FBLN1: variants seen among roughly 807,000 people sequenced by gnomAD.
FBLN1 encodes the protein fibulin-1.
A neutral mutation model predicts 89.7 loss-of-function variants in FBLN1; 34 were observed. The ratio of observed to expected loss-of-function variants is 0.38; its 90% CI spans 0.29 to 0.50. FBLN1 has a LOEUF of 0.50. Among genes scored for constraint, FBLN1 ranks in the 20% least tolerant of loss-of-function variants. The probability of loss-of-function intolerance (pLI) is 0.92; values close to 1 mark genes in which losing one functional copy is unlikely to be tolerated. For missense variants in FBLN1, 777 were observed against 988.1 expected, an observed-to-expected ratio of 0.79 and a Z score of 2.86; for synonymous variants, 393 against 391.3, an observed-to-expected ratio of 1.00 and a Z score of -0.05.
intron 14 of FBLN1, chr22:45,565,391 C>T: frequency 1.2e-6 from 1 of 825,598 alleles, no homozygotes; most frequent in Non-Finnish European, 1.6e-6. Flanking sequence ...GGGAGGCTTG[C>T]CCTTCCCTGA....
chr22:45,513,366 A>G (rs948993612), intron 1 of FBLN1, among the ~76,000 whole-genome samples: 2 of 148,438 alleles, frequency 1.3e-5, no homozygotes. Context: ...ATGCAGTGGC[A>G]TAATCCCTGC....
chr22:45,534,348 T>G (rs2088455889), intron 7 of FBLN1, among the ~76,000 whole-genome samples: 1 of 146,674 alleles, frequency 6.8e-6, no homozygotes, highest in Admixed American at 6.9e-5. Flanking sequence ...ACAACTGTTT[T>G]TGCACAACAG....
At position 45,550,643 on chromosome 22, in the gene FBLN1, G is replaced by T. The variant is rs781294418; in HGVS notation, c.1697+28G>T. The T allele has an allele frequency of 6.2e-6, 10 of 1,613,890 alleles. No homozygotes were observed. In the Admixed American group the frequency reaches 1.7e-4, roughly 27 times the overall value. Reference sequence around the variant, plus strand: ...AAGTCCCTTGGACCATGCCATCGTCGTCTGTCTGTGTTGGCCTTCCTGGTG... The same window carrying T: ...AAGTCCCTTGGACCATGCCATCGTCTTCTGTCTGTGTTGGCCTTCCTGGTG... On this transcript the variant is annotated intron_variant, in intron 14 of 16. Transcript: ENST00000327858. The surrounding 1 kb of genome is among the most constrained non-coding windows in gnomAD (Gnocchi z 8.4).
intron 16 of FBLN1, among the ~76,000 whole-genome samples, chr22:45,592,126 C>T (rs1251043304): frequency 6.6e-6 from 1 of 152,172 alleles, no homozygotes; most frequent in Non-Finnish European, 1.5e-5. Flanking sequence ...CTGGAAGGTG[C>T]TACTAGTAGC....
chr22:45,545,946 G>A lies in FBLN1; in HGVS notation c.1322-1139G>A, dbSNP rs571306984. On this transcript the variant is annotated intron_variant, in intron 11 of 16. Transcript: ENST00000327858. The surrounding 1 kb of genome is among the most constrained non-coding windows in gnomAD (Gnocchi z 5.9). ...GTGGATTACTTGAGGTCAGGAGTTC[G>A]AGACCAGTATGGCCAACATCGTGAA... is the stretch of plus-strand genomic sequence containing the variant. Among the ~76,000 whole-genome samples, 7 of 152,128 alleles carry A rather than the reference G, an allele frequency of 4.6e-5. No homozygotes were observed. In the East Asian group the frequency reaches 1.2e-3, roughly 25 times the overall value.
chr22:45,585,004 A>T (rs916563451), intron 16 of FBLN1, among the ~76,000 whole-genome samples: 20 of 152,230 alleles, frequency 1.3e-4, no homozygotes, highest in Non-Finnish European at 2.5e-4. Context: ...CAAGCTACGC[A>T]TCCTGCTTTT....
At position 45,597,024 on chromosome 22, in the gene FBLN1, C is replaced by T. The variant is rs1176115262; in HGVS notation, c.1973-3283C>T. Among the ~76,000 whole-genome samples the T allele has an allele frequency of 2.0e-5, 3 of 150,050 alleles. No individual in the cohort carries two copies. The highest frequency in any genetic ancestry group is 7.3e-5 in the African/African-American group (3 of 40,832). ...GAAATAGATCTCTTTTTTTTTGGGACAGGATCTTGCTCTGTCACCCAGGCT... is the reference window on the plus strand; with the variant it reads ...GAAATAGATCTCTTTTTTTTTGGGATAGGATCTTGCTCTGTCACCCAGGCT... On this transcript the variant is annotated intron_variant, in intron 16 of 16. Coordinates refer to ENST00000327858, the MANE Select transcript of FBLN1 (RefSeq NM_006486.3). The surrounding 1 kb of genome is among the most constrained non-coding windows in gnomAD (Gnocchi z 4.2).
chr22:45,505,900 C>T (rs898617996), intron 1 of FBLN1, among the ~76,000 whole-genome samples: 3 of 152,142 alleles, frequency 2.0e-5, no homozygotes, highest in Non-Finnish European at 2.9e-5. Flanking sequence ...GCCTCCCCAG[C>T]AGCTGGGATT....
Position 45,583,591 on chromosome 22 carries a change from G to A in FBLN1, c.1972+6483G>A, listed in dbSNP as rs1160746750. ...CAGTTCTTCCTAATTTCGCCTTGCCGTCTCTCTTGAGAGTGGCTATACCTT... is the reference window on the plus strand; with the variant it reads ...CAGTTCTTCCTAATTTCGCCTTGCCATCTCTCTTGAGAGTGGCTATACCTT... On this transcript the variant is annotated intron_variant, in intron 16 of 16. Transcript: ENST00000327858. The surrounding 1 kb of genome is among the most constrained non-coding windows in gnomAD (Gnocchi z 4.5). Among the ~76,000 whole-genome samples the A allele has an allele frequency of 2.0e-5, 3 of 152,186 alleles. No individual in the cohort carries two copies. The highest frequency in any genetic ancestry group is 2.1e-4 in the South Asian group (1 of 4,832).
In FBLN1 at chr22:45,578,803, C is replaced by T. The variant is rs959526753; in HGVS notation, c.1972+1695C>T. 1.3e-5 allele frequency among the ~76,000 whole-genome samples: 2 copies of T among 152,174 alleles called. No homozygotes were observed. The highest frequency in any genetic ancestry group is 4.8e-5 in the African/African-American group (2 of 41,450). ...AACATGGGAGTTTGGAATCCTAGGACCTTCTAGTTCACTCACTCATTCTTT... is the reference window on the plus strand; with the variant it reads ...AACATGGGAGTTTGGAATCCTAGGATCTTCTAGTTCACTCACTCATTCTTT... On this transcript the variant is annotated intron_variant, in intron 16 of 16. Coordinates refer to ENST00000327858, the MANE Select transcript of FBLN1 (RefSeq NM_006486.3). The surrounding 1 kb of genome is among the most constrained non-coding windows in gnomAD (Gnocchi z 4.6).
chr22:45,533,752 C>A lies in FBLN1; in HGVS notation c.647-9C>A. On this transcript the variant is annotated splice_polypyrimidine_tract_variant and intron_variant, in intron 6 of 16. Transcript: ENST00000327858. ...CTGGTCACCCCCGCACTGCCTCGGT[C>A]TCTCCTAGATGTCAATGAATGCATC... The A allele has an allele frequency of 6.2e-7, 1 of 1,610,746 alleles. No homozygotes were observed. The highest frequency in any genetic ancestry group is 1.1e-5 in the South Asian group (1 of 90,996).
At position 45,563,276 on chromosome 22, in the gene FBLN1, T is replaced by C. The variant is rs2088871699; in HGVS notation, c.1698-11235T>C. 6.2e-7 allele frequency: 1 copy of C among 1,613,336 alleles called. No homozygotes were observed. Among genetic ancestry groups the C allele is most frequent in the Non-Finnish European group, 8.5e-7 (1 of 1,180,040 alleles). Reference sequence around the variant, plus strand: ...GTCTGCAGAGCTCTGAGCACTCGCTTCGCGTCGCGGGGTCTCCCTCCTGTT... The same window carrying C: ...GTCTGCAGAGCTCTGAGCACTCGCTCCGCGTCGCGGGGTCTCCCTCCTGTT... On this transcript the variant is annotated intron_variant, in intron 14 of 16. Transcript: ENST00000327858. The surrounding 1 kb of genome is among the most constrained non-coding windows in gnomAD (Gnocchi z 5.7).
chr22:45,517,553 G>A (rs761542325), intron 1 of FBLN1: 6 of 471,080 alleles, frequency 1.3e-5, no homozygotes, highest in Admixed American at 4.7e-5. Flanking sequence ...TGCTTGGAGC[G>A]TGATCCTTTC....
intron 2 of FBLN1, among the ~76,000 whole-genome samples, chr22:45,520,182 GA>G (rs1257846944): frequency 6.6e-6 from 1 of 151,912 alleles, no homozygotes; most frequent in African/African-American, 2.4e-5. Flanking sequence ...ACCATCAAAA[GA>G]AAAAAATCAG....
In FBLN1 at chr22:45,536,996, C is replaced by T. The variant is rs575034985; in HGVS notation, c.922+1659C>T. 3.9e-5 allele frequency among the ~76,000 whole-genome samples: 6 copies of T among 152,292 alleles called. No homozygotes were observed. In the East Asian group the frequency reaches 7.7e-4, roughly 20 times the overall value. Reference sequence around the variant, plus strand: ...TGTCAGGTTAACTGCCTGGCTAGGCCGCTGCAGTCAGCGCTTAAGTCCTGA... The same window carrying T: ...TGTCAGGTTAACTGCCTGGCTAGGCTGCTGCAGTCAGCGCTTAAGTCCTGA... On this transcript the variant is annotated intron_variant, in intron 8 of 16. Coordinates refer to ENST00000327858, the MANE Select transcript of FBLN1 (RefSeq NM_006486.3). The surrounding 1 kb of genome is among the most constrained non-coding windows in gnomAD (Gnocchi z 5.1).
In FBLN1 at chr22:45,545,897, C is replaced by T. The variant is rs548827303; in HGVS notation, c.1322-1188C>T. ...GCACAGTGGCTCACACCTGTAATCC[C>T]AGCACTTTGGGAGGCTGAGGCAGGT... On this transcript the variant is annotated intron_variant, in intron 11 of 16. Coordinates refer to ENST00000327858, the MANE Select transcript of FBLN1 (RefSeq NM_006486.3). This position sits in a 1 kb window ranked among gnomAD's most constrained non-coding sequence, Gnocchi z 5.9. Among the ~76,000 whole-genome samples, 298 of 152,272 alleles carry T rather than the reference C, an allele frequency of 2.0e-3. 1 individual carries two copies. Among genetic ancestry groups the T allele is most frequent in the African/African-American group, 6.2e-3 (259 of 41,554 alleles).
chr22:45,563,979 G>C lies in FBLN1; in HGVS notation c.1698-10532G>C, dbSNP rs736767. On this transcript the variant is annotated intron_variant, in intron 14 of 16. Coordinates refer to ENST00000327858, the MANE Select transcript of FBLN1 (RefSeq NM_006486.3). This position sits in a 1 kb window ranked among gnomAD's most constrained non-coding sequence, Gnocchi z 5.7. ...TGAGGATCCTGGCCCTGTGCCGGGG[G>C]GAGGCAAAGGACCACACAATACATG... is the stretch of plus-strand genomic sequence containing the variant. 0.78 allele frequency among the ~76,000 whole-genome samples: 118,583 copies of C among 152,194 alleles called. 46,451 individuals are homozygous for C. Among genetic ancestry groups the C allele is most frequent in the Middle Eastern group, 0.87 (256 of 294 alleles).
chr22:45,534,669 A>G (rs1278727459), intron 7 of FBLN1, among the ~76,000 whole-genome samples: 13 of 152,206 alleles, frequency 8.5e-5, no homozygotes. Context: ...CCCACACACC[A>G]GCTGGGTGGT....
intron 14 of FBLN1, among the ~76,000 whole-genome samples, chr22:45,555,264 TAAAATGGA>T (rs1397967274): frequency 1.8e-3 from 60 of 33,430 alleles, no homozygotes; most frequent in South Asian, 5.3e-3. Context: ...TATATATATA[TAAAATGGA>T]ATATATATAT....
Sources: allele counts gnomAD v4.1 joint callset (sites outside exome capture counted in the v4.1 genomes callset), GRCh38; gene constraint gnomAD v4.1.1; non-coding constraint Gnocchi (gnomAD v3.1); transcripts MANE v1.5; gene names NCBI Gene and HGNC (gene_info 2026-07-23, HGNC 2026-07-21).